RGPD2: variants seen among roughly 807,000 people sequenced by gnomAD.
RGPD2 encodes the protein RANBP2 like and GRIP domain containing 2.
RGPD2 carries 2 observed loss-of-function variants against 36.0 expected under a neutral mutation model. The observed-to-expected ratio is 0.06, with a 90% CI of 0.02 to 0.17. RGPD2 has a LOEUF of 0.17. Ranked by LOEUF, RGPD2 falls within the 10% of genes least tolerant of loss-of-function variation. The pLI is 1.00. For synonymous variants in RGPD2, 19 were observed against 163.8 expected, an observed-to-expected ratio of 0.12 and a Z score of 6.75; for missense variants, 40 against 464.3, an observed-to-expected ratio of 0.09 and a Z score of 8.40.
At chr2:87,860,613 A>C in the RGPD2 span, among the ~76,000 whole-genome samples, 1 of 151,512 alleles carries the variant, frequency 6.6e-6, no homozygotes, top group Non-Finnish European at 1.5e-5. Context: ...CCTCCAAATT[A>C]GGGCAATTTT....
chr2:87,932,832 T>C, the RGPD2 span, among the ~76,000 whole-genome samples: 2 of 151,388 alleles, frequency 1.3e-5, no homozygotes, highest in Non-Finnish European at 3.0e-5. Context: ...GTTAGTCTGA[T>C]GTACTTCCCT....
the RGPD2 span, among the ~76,000 whole-genome samples, chr2:87,857,661 A>G: frequency 2.6e-5 from 4 of 151,634 alleles, no homozygotes; most frequent in Non-Finnish European, 4.4e-5. Context: ...AGTCGAGGCT[A>G]GGCGCGGTGT....
chr2:87,958,129 AATT>A, the RGPD2 span, among the ~76,000 whole-genome samples: 1 of 151,806 alleles, frequency 6.6e-6, no homozygotes. Flanking sequence ...TATACCTACA[AATT>A]ACGTATGATG....
At chr2:87,824,947 C>G (rs915078266) in intron 1 of RGPD2, 1 of 380,780 alleles carries the variant, frequency 2.6e-6, no homozygotes, top group African/African-American at 2.1e-5. Flanking sequence ...GTGAAATGCC[C>G]CAACTAAATA....
rs1177474975 is a variant in RGPD2, at chr2:87,824,967, G to A, written c.72+691C>T. 1.2e-4 allele frequency: 48 copies of A among 388,940 alleles called. 1 individual carries two copies. Among genetic ancestry groups the A allele is most frequent in the East Asian group, 1.1e-3 (30 of 27,364 alleles). 24.1% of individuals were successfully genotyped at this position (388,940 alleles called of 1,614,324 possible). Reference sequence around the variant, plus strand: ...ATGCCCCAACTAAATACTACCGTATGGCCCACCATAATTGCCCCCATACTT... The same window carrying A: ...ATGCCCCAACTAAATACTACCGTATAGCCCACCATAATTGCCCCCATACTT... On this transcript the variant is annotated intron_variant, in intron 1 of 22. Coordinates refer to ENST00000398146, the MANE Select transcript of RGPD2 (RefSeq NM_001078170.3).
chr2:87,897,119 A>T, the RGPD2 span, among the ~76,000 whole-genome samples: 1 of 151,944 alleles, frequency 6.6e-6, no homozygotes, highest in Non-Finnish European at 1.5e-5. Flanking sequence ...TACAAAACTT[A>T]ACCATTTGTT....
intron 6 of RGPD2, among the ~76,000 whole-genome samples, chr2:87,809,384 G>A (rs1168308060): frequency 1.3e-5 from 2 of 148,466 alleles, no homozygotes; most frequent in African/African-American, 4.9e-5. Context: ...TTAGCCAGGT[G>A]TGGGCTGAGC....
the RGPD2 span, among the ~76,000 whole-genome samples, chr2:87,856,864 C>T: frequency 6.6e-6 from 1 of 151,492 alleles, no homozygotes; most frequent in Admixed American, 6.6e-5. Context: ...CTCTGAGAAA[C>T]TATTTTAAAC....
At chr2:87,881,985 A>G in the RGPD2 span, among the ~76,000 whole-genome samples, 1 of 152,046 alleles carries the variant, frequency 6.6e-6, no homozygotes, top group African/African-American at 2.4e-5. Context: ...CGTGGCAAGA[A>G]CAAAAGCAAG....
chr2:87,968,433 G>A, the RGPD2 span, among the ~76,000 whole-genome samples: 232 of 143,048 alleles, frequency 1.6e-3, 2 homozygotes, highest in East Asian at 0.022. Flanking sequence ...AAATTTAGCC[G>A]GGCGTGGTGG....
chr2:87,962,088 A>G, the RGPD2 span, among the ~76,000 whole-genome samples: 2 of 149,764 alleles, frequency 1.3e-5, no homozygotes, highest in East Asian at 3.9e-4. Context: ...TTTCACTAGC[A>G]GAATAACAGA....
chr2:87,929,487 A>ATG, the RGPD2 span, among the ~76,000 whole-genome samples: 35,530 of 136,766 alleles, frequency 0.26, 4,368 homozygotes, highest in Middle Eastern at 0.31. Flanking sequence ...GTGTGTGTGT[A>ATG]TGTGTGTGTG....
At chr2:87,984,461 G>A in the RGPD2 span, among the ~76,000 whole-genome samples, 1 of 150,594 alleles carries the variant, frequency 6.6e-6, no homozygotes, top group African/African-American at 2.4e-5. Flanking sequence ...AAGAAATGAT[G>A]GAGATATTTT....
intron 1 of RGPD2, among the ~76,000 whole-genome samples, chr2:87,825,368 G>A (rs937591677): frequency 7.0e-5 from 10 of 142,362 alleles, no homozygotes; most frequent in African/African-American, 2.1e-4. Flanking sequence ...GGGCTCCTAC[G>A]CCGAGGCCGC....
intron 1 of RGPD2, among the ~76,000 whole-genome samples, chr2:87,824,310 G>A (rs1169233719): frequency 6.6e-6 from 1 of 151,790 alleles, no homozygotes; most frequent in East Asian, 1.9e-4. Flanking sequence ...ACATGTGAGG[G>A]AGTAGAAAAA....
chr2:87,872,187 A>G, the RGPD2 span, among the ~76,000 whole-genome samples: 1 of 149,052 alleles, frequency 6.7e-6, no homozygotes. Context: ...ACAAACCTTA[A>G]AAGAATTGAG....
chr2:87,938,965 CA>C, the RGPD2 span, among the ~76,000 whole-genome samples: 4 of 63,340 alleles, frequency 6.3e-5, no homozygotes, highest in African/African-American at 2.5e-4. Context: ...TAAATGATGG[CA>C]AAAATGTGTT....
chr2:87,951,619 G>A, the RGPD2 span, among the ~76,000 whole-genome samples: 1 of 151,548 alleles, frequency 6.6e-6, no homozygotes, highest in Non-Finnish European at 1.5e-5. Context: ...TTGAGACAGA[G>A]TCTCGCCCTG....
the RGPD2 span, among the ~76,000 whole-genome samples, chr2:87,883,147 A>G: frequency 6.6e-6 from 1 of 152,168 alleles, no homozygotes; most frequent in Non-Finnish European, 1.5e-5. Context: ...TATTATAAAA[A>G]GATGTAAAGT....
Sources: allele counts gnomAD v4.1 joint callset (sites outside exome capture counted in the v4.1 genomes callset), GRCh38; gene constraint gnomAD v4.1.1; transcripts MANE v1.5; gene names NCBI Gene and HGNC (gene_info 2026-07-23, HGNC 2026-07-21).